The following NMD3 variants were observed in gnomAD, a reference collection of about 807,000 sequenced individuals.
The protein encoded by NMD3 is 60S ribosomal export protein NMD3.
In NMD3, 47 loss-of-function variants were observed where a neutral mutation model predicts 73.1. The observed-to-expected ratio is 0.64, with a 90% CI of 0.51 to 0.82. The LOEUF is 0.82. Among genes scored for constraint, NMD3 ranks in the 40% least tolerant of loss-of-function variants. The pLI is 0.00. For missense variants in NMD3, 554 were observed against 612.5 expected, an observed-to-expected ratio of 0.90 and a Z score of 1.01; for synonymous variants, 210 against 194.5, an observed-to-expected ratio of 1.08 and a Z score of -0.66.
intron 13 of NMD3, 69 bp downstream of exon 13, chr3:161,247,399 G>A: frequency 1.1e-6 from 1 of 873,198 alleles, no homozygotes; most frequent in Non-Finnish European, 1.8e-6. Context: ...GGGGTAAGAG[G>A]TAGGAGTTCA....
At chr3:161,225,353 G>C (rs979954362) in intron 3 of NMD3, among the ~76,000 whole-genome samples, 1 of 152,048 alleles carries the variant, frequency 6.6e-6, no homozygotes, top group African/African-American at 2.4e-5. Context: ...TGTTTGTAAG[G>C]GTGAGAGCAG....
At chr3:161,232,266 G>C (rs1736573752) in intron 4 of NMD3, among the ~76,000 whole-genome samples, 1 of 151,922 alleles carries the variant, frequency 6.6e-6, no homozygotes, top group African/African-American at 2.4e-5. Context: ...GCTATATGAG[G>C]AGGGTTTTAC....
At position 161,245,142 on chromosome 3, in the gene NMD3, T is replaced by TTGTG. The variant is rs35840926; in HGVS notation, c.1018-1177_1018-1174dup. On this transcript the variant is annotated intron_variant, in intron 11 of 15. Transcript: ENST00000351193. The stretch of plus-strand genomic sequence containing the variant: ...GTATCTAGAGACTCCCAGGGTACCC[T>TTGTG]TGTGTGTGTGTGTGTGTGTGCGTGC... Among the ~76,000 whole-genome samples, 422 of 149,352 alleles carry TTGTG rather than the reference T, an allele frequency of 2.8e-3. 1 individual carries two copies. Among genetic ancestry groups the TTGTG allele is most frequent in the Admixed American group, 5.6e-3 (84 of 14,956 alleles).
chr3:161,253,397 TTA>T (rs1491368197), downstream of NMD3: 1 of 152,206 alleles, frequency 6.6e-6, no homozygotes, highest in African/African-American at 2.4e-5. Context: ...AATTTCAGAC[TTA>T]CAAAATGTCG....
chr3:161,229,747 T>A (rs775965264), intron 4 of NMD3, among the ~76,000 whole-genome samples: 2 of 151,908 alleles, frequency 1.3e-5, no homozygotes, highest in African/African-American at 4.8e-5. Context: ...AATAATTGGG[T>A]AATGAGGAGG....
At chr3:161,224,052 G>A (rs1029548146) in intron 2 of NMD3, among the ~76,000 whole-genome samples, 31 of 152,028 alleles carry the variant, frequency 2.0e-4, no homozygotes, top group Admixed American at 1.3e-3. Flanking sequence ...TAAAGAGCAC[G>A]TTAACATTTT....
chr3:161,247,444 C>T, intron 13 of NMD3, 114 bp downstream of exon 13: 1 of 579,494 alleles, frequency 1.7e-6, no homozygotes, highest in Non-Finnish European at 2.9e-6. Context: ...TTAGAGATTT[C>T]TGAAACTGCA....
chr3:161,227,315 T>TG lies in NMD3; in HGVS notation c.249dup (p.Lys84GlufsTer9). On this transcript the variant is annotated frameshift_variant, in exon 4 of 16. Transcript: ENST00000351193. LOFTEE classifies it high-confidence loss of function. ...TCCAGGGAACTTCTTGCTTTGTGCT[T>TG]GAAAAAAATCAAAGCCCCTCTGAGT... 1 of 1,612,540 alleles carries TG rather than the reference T, an allele frequency of 6.2e-7. No homozygotes were observed. Among genetic ancestry groups the TG allele is most frequent in the African/African-American group, 1.3e-5 (1 of 74,936 alleles).
chr3:161,242,447 AC>A, intron 10 of NMD3, 60 bp from the exon 11 acceptor site: 1 of 1,478,354 alleles, frequency 6.8e-7, no homozygotes, highest in Non-Finnish European at 9.3e-7. Flanking sequence ...CTTAGTTAAT[AC>A]ATTTGATAAT....
intron 4 of NMD3, among the ~76,000 whole-genome samples, chr3:161,233,158 T>C (rs1460647118): frequency 7.2e-5 from 11 of 151,736 alleles, no homozygotes; most frequent in Non-Finnish European, 1.0e-4. Context: ...CCTATGCAAA[T>C]ACTTTAATTT....
chr3:161,225,167 T>G, intron 3 of NMD3, 103 bp downstream of exon 3: 1 of 1,248,264 alleles, frequency 8.0e-7, no homozygotes, highest in South Asian at 1.6e-5. Context: ...GTAAAGTGCA[T>G]GCAATTAAGG....
chr3:161,233,099 T>C (rs1394547516), intron 4 of NMD3, among the ~76,000 whole-genome samples: 1 of 143,644 alleles, frequency 7.0e-6, no homozygotes, highest in Non-Finnish European at 1.5e-5. Context: ...AATTTCCTTT[T>C]AAAGGACAAT....
chr3:161,236,912 A>C (rs910814177), intron 7 of NMD3, among the ~76,000 whole-genome samples: 1 of 152,164 alleles, frequency 6.6e-6, no homozygotes, highest in Non-Finnish European at 1.5e-5. Context: ...ATTGATCTAT[A>C]TATCTATCCT....
In NMD3 at chr3:161,252,137, G is replaced by A. The variant is rs1183955563; in HGVS notation, c.*1227G>A. On this transcript the variant is annotated 3_prime_UTR_variant, in exon 16 of 16. Coordinates refer to ENST00000351193, the MANE Select transcript of NMD3 (RefSeq NM_015938.5). ...TTTTGTTAAAATTGTGGATCTAAAA[G>A]CCATATCCTGTCTTTGGTGGTGGCC... 1 of 152,004 alleles carries A rather than the reference G, an allele frequency of 6.6e-6. No homozygotes were observed. The highest frequency in any genetic ancestry group is 1.9e-4 in the East Asian group (1 of 5,184). 9.4% of individuals were successfully genotyped at this position (152,004 alleles called of 1,614,324 possible).
intron 4 of NMD3, among the ~76,000 whole-genome samples, chr3:161,230,463 A>G (rs538110938): frequency 2.6e-4 from 40 of 152,282 alleles, no homozygotes; most frequent in African/African-American, 6.5e-4. Context: ...GATGGTATAT[A>G]TAACTGTATT....
At position 161,234,778 on chromosome 3, in the gene NMD3, C is replaced by A; in HGVS notation, c.409C>A (p.Gln137Lys). The A allele has an allele frequency of 6.2e-7, 1 of 1,612,866 alleles. No homozygotes were observed. The highest frequency in any genetic ancestry group is 1.1e-5 in the South Asian group (1 of 91,028). The change falls in exon 6 of 16, where the codon CAG (glutamine) becomes AAG (lysine). Residue 137 changes from glutamine to lysine, a missense_variant. Transcript: ENST00000351193. ...AGTGTTTGTGGTGGATTATGTTGTT[C>A]AGTCCCAAATGTGTGGAGATTGCCA... ...QQVFVVDYVV[Q>K]SQMCGDCHRV...
intron 5 of NMD3, among the ~76,000 whole-genome samples, 186 bp from the exon 6 acceptor site, chr3:161,234,541 A>C (rs1736668037): frequency 6.6e-6 from 1 of 151,884 alleles, no homozygotes; most frequent in Admixed American, 6.6e-5. Flanking sequence ...TTAGGAATTA[A>C]ATCTGTATAC....
At chr3:161,226,314 C>T (rs567466200) in intron 3 of NMD3, among the ~76,000 whole-genome samples, 47 of 151,662 alleles carry the variant, frequency 3.1e-4, no homozygotes, top group Admixed American at 4.6e-4. Flanking sequence ...ATTAGCCAGG[C>T]GTGGTGGGGC....
chr3:161,237,904 C>T (rs1251075067), intron 7 of NMD3, among the ~76,000 whole-genome samples: 3 of 152,042 alleles, frequency 2.0e-5, no homozygotes, highest in Non-Finnish European at 2.9e-5. Flanking sequence ...ATTAGAATTA[C>T]GAGTTTTATT....
Sources: gnomAD v4.1 joint callset for allele counts (sites outside exome capture counted in the v4.1 genomes callset) on GRCh38, gnomAD v4.1.1 for gene constraint, MANE v1.5 for transcripts, NCBI Gene and HGNC (gene_info 2026-07-23, HGNC 2026-07-21) for gene names.